IP6K1: variants seen among roughly 807,000 people sequenced by gnomAD.
The protein encoded by IP6K1 is inositol hexakisphosphate kinase 1.
A neutral mutation model predicts 38.3 loss-of-function variants in IP6K1; 13 were observed. The observed-to-expected ratio is 0.34, with a 90% CI of 0.22 to 0.54. The LOEUF (loss-of-function observed/expected upper bound fraction) is 0.54. Among genes scored for constraint, IP6K1 ranks in the 20% least tolerant of loss-of-function variants. The pLI, the probability that IP6K1 is intolerant of heterozygous loss-of-function variation, is 0.92. For synonymous variants in IP6K1, 212 were observed against 229.9 expected, an observed-to-expected ratio of 0.92 and a Z score of 0.70; for missense variants, 397 against 599.8, an observed-to-expected ratio of 0.66 and a Z score of 3.53.
chr3:49,748,692 C>T (rs926387908), intron 1 of IP6K1, among the ~76,000 whole-genome samples: 2 of 152,150 alleles, frequency 1.3e-5, no homozygotes, highest in Non-Finnish European at 2.9e-5. Context: ...CATTGCTGAG[C>T]TGTAGGACAG....
rs543212018 is a variant in IP6K1, at chr3:49,726,297, A to C, written c.*825T>G. On this transcript the variant is annotated 3_prime_UTR_variant, in exon 6 of 6. Coordinates refer to ENST00000321599, the MANE Select transcript of IP6K1 (RefSeq NM_153273.4). ...CACAGCTGCCGAAACTTGAGGAAGAAGACTCCCACCCATAGCACAAGAACT... is the reference window on the plus strand; with the variant it reads ...CACAGCTGCCGAAACTTGAGGAAGACGACTCCCACCCATAGCACAAGAACT... The C allele has an allele frequency of 2.0e-3, 306 of 153,106 alleles. 2 individuals carry two copies. The highest frequency in any genetic ancestry group is 6.9e-3 in the African/African-American group (285 of 41,596). 9.5% of individuals were successfully genotyped at this position (153,106 alleles called of 1,614,324 possible).
At chr3:49,776,771 G>A (rs2081020021) in intron 1 of IP6K1, among the ~76,000 whole-genome samples, 1 of 152,124 alleles carries the variant, frequency 6.6e-6, no homozygotes, top group African/African-American at 2.4e-5. Context: ...TACAAACTCT[G>A]TGAATAATGA....
At chr3:49,773,498 C>A (rs2080977483) in intron 1 of IP6K1, among the ~76,000 whole-genome samples, 1 of 152,132 alleles carries the variant, frequency 6.6e-6, no homozygotes, top group Admixed American at 6.6e-5. Context: ...GTAGTCCCAG[C>A]TACTTAGGAG....
chr3:49,742,804 T>C (rs1029279693), intron 2 of IP6K1, among the ~76,000 whole-genome samples: 3 of 150,832 alleles, frequency 2.0e-5, no homozygotes, highest in African/African-American at 7.3e-5. Context: ...GGTGGGAGAA[T>C]CACTTGAGCC....
rs772839096 is a variant in IP6K1 at position 49,777,859 on chromosome 3, G to A, written c.-129+8495C>T. On this transcript the variant is annotated intron_variant, in intron 1 of 5. Coordinates refer to ENST00000321599, the MANE Select transcript of IP6K1 (RefSeq NM_153273.4). ...GAACCCGGGAGGCGGAGCTTGCAGT[G>A]AGCTGAGATCGCGCCACGCACTCCA... is the stretch of plus-strand genomic sequence containing the variant. 3.9e-5 allele frequency among the ~76,000 whole-genome samples: 6 copies of A among 152,046 alleles called. No homozygotes were observed. The South Asian group carries it at 1.2e-3, about 32-fold the overall frequency.
chr3:49,734,568 A>G (rs992209972), intron 3 of IP6K1, among the ~76,000 whole-genome samples: 3 of 88,622 alleles, frequency 3.4e-5, no homozygotes, highest in African/African-American at 3.2e-5. Context: ...ACCCTCTCCA[A>G]GGGTCAGCTG....
chr3:49,768,808 C>T (rs1378343406), intron 1 of IP6K1, among the ~76,000 whole-genome samples: 3 of 151,220 alleles, frequency 2.0e-5, no homozygotes, highest in African/African-American at 7.3e-5. Context: ...TTCATTGAGA[C>T]AAAAAGATTA....
chr3:49,733,010 G>A, intron 3 of IP6K1, 38 bp from the exon 4 acceptor site: 2 of 1,542,220 alleles, frequency 1.3e-6, no homozygotes, highest in East Asian at 2.3e-5. Context: ...AAGAAACTCA[G>A]GCAAGTCATC....
intron 4 of IP6K1, 151 bp from the exon 5 acceptor site, chr3:49,728,429 ATTAC>A (rs2080531569): frequency 1.5e-6 from 1 of 657,004 alleles, no homozygotes; most frequent in Admixed American, 3.0e-5. Context: ...CCACTGGCTT[ATTAC>A]TTAACCAATA....
intron 1 of IP6K1, among the ~76,000 whole-genome samples, chr3:49,770,311 C>T (rs948883801): frequency 6.6e-6 from 1 of 152,190 alleles, no homozygotes; most frequent in African/African-American, 2.4e-5. Context: ...AGTAATGGAA[C>T]AATCAGTTAT....
chr3:49,745,976 T>TA (rs2080717958), intron 2 of IP6K1, among the ~76,000 whole-genome samples: 1 of 152,098 alleles, frequency 6.6e-6, no homozygotes, highest in South Asian at 2.1e-4. Flanking sequence ...CATCATTCGT[T>TA]AGACATTAGG....
rs11709076 is a variant in IP6K1 at position 49,725,258 on chromosome 3, A to C, written c.*1864T>G. On this transcript the variant is annotated 3_prime_UTR_variant, in exon 6 of 6. Coordinates refer to ENST00000321599, the MANE Select transcript of IP6K1 (RefSeq NM_153273.4). ...AATCTGGGAGGCACAGGACATCCCC[A>C]AAAGGTCCCAAACAGTTCCAGACCC... The C allele has an allele frequency of 7.7e-3, 1,171 of 152,750 alleles. 7 individuals are homozygous for C. The highest frequency in any genetic ancestry group is 0.012 in the Non-Finnish European group (820 of 68,062). 9.5% of individuals were successfully genotyped at this position (152,750 alleles called of 1,614,324 possible).
chr3:49,761,500 G>C (rs538328083), intron 1 of IP6K1, among the ~76,000 whole-genome samples: 2 of 151,296 alleles, frequency 1.3e-5, no homozygotes, highest in Non-Finnish European at 2.9e-5. Flanking sequence ...TGTAGTCCCA[G>C]CTACTTGAGA....
intron 1 of IP6K1, among the ~76,000 whole-genome samples, chr3:49,750,199 C>T (rs2080760976): frequency 6.6e-6 from 1 of 152,082 alleles, no homozygotes; most frequent in African/African-American, 2.4e-5. Context: ...AGCTGTGGAT[C>T]CTGTTCAGTA....
At chr3:49,728,310 A>C in intron 4 of IP6K1, 32 bp from the exon 5 acceptor site, 1 of 1,599,936 alleles carries the variant, frequency 6.3e-7, no homozygotes, top group Non-Finnish European at 8.6e-7. Context: ...TGACAACCAC[A>C]CTCACCATCA....
chr3:49,739,490 A>T (rs1247192748), intron 2 of IP6K1, among the ~76,000 whole-genome samples: 2 of 151,108 alleles, frequency 1.3e-5, no homozygotes, highest in Non-Finnish European at 2.9e-5. Flanking sequence ...AGTAGCTGGG[A>T]CTACAGGCAC....
At chr3:49,728,742 AT>A (rs1374268757) in intron 4 of IP6K1, among the ~76,000 whole-genome samples, 1 of 151,834 alleles carries the variant, frequency 6.6e-6, no homozygotes, top group Non-Finnish European at 1.5e-5. Flanking sequence ...CACCCGGCTC[AT>A]TTTTTGTATT....
In IP6K1 at chr3:49,727,098, G is replaced by GGTTCT; in HGVS notation, c.*19_*23dup. ...TCCCTGCCTGCAGTGGAGAGGAAGG[G>GGTTCT]GTTCTGGGGGCCCAGAACAGGGCCT... is the stretch of plus-strand genomic sequence containing the variant. On this transcript the variant is annotated 3_prime_UTR_variant, in exon 6 of 6. Transcript: ENST00000321599. The surrounding 1 kb of genome is among the most constrained non-coding windows in gnomAD (Gnocchi z 5.9). The GGTTCT allele has an allele frequency of 6.4e-7, 1 of 1,559,100 alleles. No individual in the cohort carries two copies. The highest frequency in any genetic ancestry group is 8.7e-7 in the Non-Finnish European group (1 of 1,149,882).
intron 1 of IP6K1, 44 bp downstream of exon 1, chr3:49,786,310 C>A (rs1410395139): frequency 6.6e-6 from 1 of 152,344 alleles, no homozygotes; most frequent in South Asian, 2.1e-4. Context: ...CCGCCCTCCC[C>A]GCGGGCGTCA....
Sources: allele counts gnomAD v4.1 joint callset (sites outside exome capture counted in the v4.1 genomes callset), GRCh38; gene constraint gnomAD v4.1.1; non-coding constraint Gnocchi (gnomAD v3.1); transcripts MANE v1.5; gene names NCBI Gene and HGNC (gene_info 2026-07-23, HGNC 2026-07-21).